NASP: variants seen among roughly 807,000 people sequenced by gnomAD.
NASP encodes the protein nuclear autoantigenic sperm protein, also known as NASP histone chaperone.
A neutral mutation model predicts 89.5 loss-of-function variants in NASP; 24 were observed. The ratio of observed to expected loss-of-function variants is 0.27; its 90% CI spans 0.19 to 0.38. NASP has a LOEUF of 0.38. NASP is among the 10% of genes least tolerant of loss of function. The probability of loss-of-function intolerance (pLI) is 1.00; values close to 1 mark genes in which losing one functional copy is unlikely to be tolerated. For synonymous variants in NASP, 306 were observed against 324.7 expected (o/e 0.94, Z 0.62); for missense variants, 848 against 921.4 (o/e 0.92, Z 1.03).
intron 1 of NASP, among the ~76,000 whole-genome samples, chr1:45,584,667 C>T (rs1644502469): frequency 6.7e-6 from 1 of 148,600 alleles, no homozygotes; most frequent in African/African-American, 2.5e-5. Context: ...GGAGGCTGGA[C>T]CTGAGGGGTC....
intron 1 of NASP, among the ~76,000 whole-genome samples, chr1:45,588,418 TAAA>T (rs1644589142): frequency 1.3e-5 from 2 of 152,164 alleles, no homozygotes; most frequent in South Asian, 4.1e-4. Flanking sequence ...CTTCTTTTTT[TAAA>T]ATTAATTTTT....
intron 2 of NASP, among the ~76,000 whole-genome samples, chr1:45,599,408 TA>T (rs1424070325): frequency 6.7e-6 from 1 of 149,128 alleles, no homozygotes. Context: ...TGCTCAGCCT[TA>T]GACTTTTTCT....
chr1:45,618,120 A>C lies in NASP; in HGVS notation c.2346A>C (p.Thr782=). 1 of 1,598,008 alleles carries C rather than the reference A, an allele frequency of 6.3e-7. No individual in the cohort carries two copies. Among genetic ancestry groups the C allele is most frequent in the Non-Finnish European group, 8.5e-7 (1 of 1,171,870 alleles). ...AVEGTVEAGA[T]VESTAC ...AGGGGACAGTGGAGGCTGGAGCTAC[A>C]GTTGAAAGCACTGCATGTTAAGAGG... The change falls in exon 15 of 15, where the codon ACA becomes ACC. Residue 782 remains threonine, a synonymous_variant. Transcript: ENST00000350030.
chr1:45,603,372 C>T (rs1643874822), intron 3 of NASP, among the ~76,000 whole-genome samples: 1 of 152,170 alleles, frequency 6.6e-6, no homozygotes, highest in Non-Finnish European at 1.5e-5. Context: ...GTTAAATCTT[C>T]CTTATAAAAG....
chr1:45,588,957 G>GTGTTTGTTTGTTTGTTTGTTTGTT (rs56181355), intron 1 of NASP: 1 of 160,920 alleles, frequency 6.2e-6, no homozygotes, highest in Non-Finnish European at 1.4e-5. Context: ...AGGTGGTCAA[G>GTGTTTGTTTGTTTGTTTGTTTGTT]TGTTTGTTTG....
At chr1:45,592,545 C>T (rs1194784370) in intron 2 of NASP, among the ~76,000 whole-genome samples, 1 of 152,036 alleles carries the variant, frequency 6.6e-6, no homozygotes, top group Non-Finnish European at 1.5e-5. Context: ...GATGGAGTCT[C>T]ACTCTGTCAC....
At chr1:45,588,259 A>G (rs1008929855) in intron 1 of NASP, among the ~76,000 whole-genome samples, 4 of 151,844 alleles carry the variant, frequency 2.6e-5, no homozygotes, top group Non-Finnish European at 4.4e-5. Context: ...GCCCGCCACC[A>G]CACCTGGCTA....
rs114658231 is a variant in NASP at position 45,606,712 on chromosome 1, G to T, written c.409+121G>T. 896 of 600,738 alleles carry T rather than the reference G, an allele frequency of 1.5e-3. 3 individuals carry two copies. The African/African-American group carries it at 0.015, about 10-fold the overall frequency. 37.2% of individuals were successfully genotyped at this position (600,738 alleles called of 1,614,324 possible). A position where few individuals can be genotyped will look rare whatever the true frequency, so the allele number is the denominator to read the frequency against. On this transcript the variant is annotated intron_variant, in intron 5 of 14. Coordinates refer to ENST00000350030, the MANE Select transcript of NASP (RefSeq NM_002482.4). ...CTCCTAAGATGCTTGGGGTGATGAT[G>T]CCTGCATCTGGTGGAGATTGCAGTG...
rs756636161 is a variant in NASP at position 45,616,709 on chromosome 1, T to C, written c.2157+6T>C. ...CCCACCTTGTCAGAAAGAAGGTAAG[T>C]CTACATGTGGTGTTTCTTTTCTACC... On this transcript the variant is annotated splice_donor_region_variant and intron_variant, in intron 13 of 14. Transcript: ENST00000350030. 6.2e-7 allele frequency: 1 copy of C among 1,609,298 alleles called. No individual in the cohort carries two copies. The highest frequency in any genetic ancestry group is 2.2e-5 in the East Asian group (1 of 44,874).
chr1:45,614,446 C>A, intron 9 of NASP, 80 bp downstream of exon 9: 3 of 1,142,346 alleles, frequency 2.6e-6, no homozygotes, highest in South Asian at 2.5e-5. Flanking sequence ...TGGAACCGAA[C>A]TTGATCTTTA....
chr1:45,589,578 G>C (rs1643467317), intron 1 of NASP, among the ~76,000 whole-genome samples: 1 of 152,052 alleles, frequency 6.6e-6, no homozygotes, highest in Non-Finnish European at 1.5e-5. Context: ...TGTAAATGTA[G>C]TGACTATTAG....
intron 6 of NASP, chr1:45,609,901 C>T (rs901753063): frequency 6.6e-6 from 1 of 152,146 alleles, no homozygotes; most frequent in East Asian, 1.9e-4. Flanking sequence ...ACACCCACTG[C>T]TTAGAAATTT....
intron 1 of NASP, among the ~76,000 whole-genome samples, chr1:45,586,625 A>G (rs148199212): frequency 8.1e-4 from 123 of 152,084 alleles, no homozygotes; most frequent in African/African-American, 2.9e-3. Context: ...TCGTTTCCCC[A>G]TCTAATTAGT....
intron 2 of NASP, among the ~76,000 whole-genome samples, chr1:45,596,509 C>CAA (rs1643698839): frequency 2.0e-5 from 3 of 152,142 alleles, no homozygotes; most frequent in African/African-American, 7.2e-5. Context: ...GTGTTCTTAA[C>CAA]GTTCATCCAT....
At position 45,607,791 on chromosome 1, in the gene NASP, G is replaced by A. The variant is rs751415316; in HGVS notation, c.880G>A (p.Glu294Lys). Residue 294 changes from glutamate to lysine, a missense_variant, in exon 6 of 15, where the codon GAG (glutamate) becomes AAG (lysine). Transcript: ENST00000350030. ...VTLEKQGTAV[E>K]VEAESLDPTV... ...TCTAGAAAAGCAGGGCACTGCAGTG[G>A]AGGTAGAAGCAGAGTCTTTAGACCC... 2 of 1,614,210 alleles carry A rather than the reference G, an allele frequency of 1.2e-6. No homozygotes were observed. Among genetic ancestry groups the A allele is most frequent in the East Asian group, 4.5e-5 (2 of 44,894 alleles).
intron 1 of NASP, among the ~76,000 whole-genome samples, chr1:45,590,002 T>C (rs1557649689): frequency 6.6e-6 from 1 of 152,334 alleles, no homozygotes; most frequent in East Asian, 1.9e-4. Context: ...AGCATGGTTC[T>C]AGAAACCAGC....
intron 2 of NASP, chr1:45,594,619 G>C: frequency 2.4e-6 from 1 of 417,552 alleles, no homozygotes; most frequent in East Asian, 7.2e-5. Context: ...TGATCCTCCT[G>C]CCTTAGACTC....
chr1:45,600,545 A>G (rs984547132), intron 2 of NASP: 38 of 820,272 alleles, frequency 4.6e-5, no homozygotes, highest in Non-Finnish European at 5.4e-5. Context: ...TTAATAGTTC[A>G]TTCTTTTTGT....
At position 45,607,350 on chromosome 1, in the gene NASP, G is replaced by A. The variant is rs748186542; in HGVS notation, c.439G>A (p.Val147Ile). 6.2e-7 allele frequency: 1 copy of A among 1,614,052 alleles called. No individual in the cohort carries two copies. Among genetic ancestry groups the A allele is most frequent in the Non-Finnish European group, 8.5e-7 (1 of 1,179,962 alleles). ...EEAREELREQ[V>I]YDAMGEKEEA... ...AGCAAGGGAAGAGTTGAGAGAACAG[G>A]TTTATGACGCCATGGGAGAAAAAGA... Residue 147 changes from valine to isoleucine, a missense_variant, in exon 6 of 15, where the codon GTT becomes ATT. This residue lies in a region of NASP where 464 missense variants were observed against 469.4 expected (regional missense o/e 0.99). Coordinates refer to ENST00000350030, the MANE Select transcript of NASP (RefSeq NM_002482.4).
Sources: gnomAD v4.1 joint callset for allele counts (sites outside exome capture counted in the v4.1 genomes callset) on GRCh38, gnomAD v4.1.1 for gene constraint, gnomAD v4.1.1 regional missense constraint, MANE v1.5 for transcripts, NCBI Gene and HGNC (gene_info 2026-07-23, HGNC 2026-07-21) for gene names.